NSA2: variants seen among roughly 807,000 people sequenced by gnomAD.
NSA2 encodes NSA2 ribosome biogenesis factor.
In NSA2, 18 loss-of-function variants were observed where a neutral mutation model predicts 34.8. That is an observed-to-expected ratio of 0.52 (90% CI 0.36 to 0.77). The LOEUF (loss-of-function observed/expected upper bound fraction) is 0.77. Among genes scored for constraint, NSA2 ranks in the 30% least tolerant of loss-of-function variants. NSA2 has a pLI of 0.00. For missense variants in NSA2, 188 were observed against 314.7 expected, an observed-to-expected ratio of 0.60 and a Z score of 3.05; for synonymous variants, 79 against 100.2, an observed-to-expected ratio of 0.79 and a Z score of 1.26.
At chr5:74,769,450 C>G (rs1744847545) in intron 3 of NSA2, 86 bp downstream of exon 3, 6 of 1,145,824 alleles carry the variant, frequency 5.2e-6, no homozygotes, top group Admixed American at 2.6e-5. Context: ...GGTTTAATTT[C>G]AAACATGAAG....
intron 5 of NSA2, among the ~76,000 whole-genome samples, chr5:74,774,656 G>A (rs879610256): frequency 2.0e-5 from 3 of 152,110 alleles, no homozygotes; most frequent in Non-Finnish European, 4.4e-5. Flanking sequence ...GGAAGCAGAT[G>A]CAAAGTTATA....
In NSA2 at chr5:74,769,128, C is replaced by G; in HGVS notation, c.191+10C>G. On this transcript the variant is annotated intron_variant, in intron 2 of 5. Transcript: ENST00000610426. ...TACAAATGAAAAAGACGTAAGTGGTCTCATTTATTTGTCATAACAAGTTAA... is the reference window on the plus strand; with the variant it reads ...TACAAATGAAAAAGACGTAAGTGGTGTCATTTATTTGTCATAACAAGTTAA... The G allele has an allele frequency of 6.2e-7, 1 of 1,600,236 alleles. No homozygotes were observed. The highest frequency in any genetic ancestry group is 8.5e-7 in the Non-Finnish European group (1 of 1,175,604).
At chr5:74,770,118 G>C (rs1286521062) in intron 3 of NSA2, among the ~76,000 whole-genome samples, 2 of 152,116 alleles carry the variant, frequency 1.3e-5, no homozygotes, top group African/African-American at 2.4e-5. Flanking sequence ...ATCACCTGAG[G>C]TCAGGAGTTC....
intron 3 of NSA2, among the ~76,000 whole-genome samples, chr5:74,770,050 G>A (rs760339810): frequency 1.3e-5 from 2 of 152,112 alleles, no homozygotes; most frequent in Non-Finnish European, 2.9e-5. Context: ...GTCACTATCG[G>A]CTGGGCACCG....
Position 74,778,880 on chromosome 5 carries a change from TAA to T in NSA2, c.*2210_*2211del, listed in dbSNP as rs1472314571. On this transcript the variant is annotated 3_prime_UTR_variant, in exon 6 of 6. Coordinates refer to ENST00000610426, the MANE Select transcript of NSA2 (RefSeq NM_014886.6). ...TTGAAATCACATTTTCAGTCCTCTG[TAA>T]TTGTGAAATTTTTTCTAATGCCTTG... 6.6e-6 allele frequency: 1 copy of T among 152,130 alleles called. No homozygotes were observed. Among genetic ancestry groups the T allele is most frequent in the Non-Finnish European group, 1.5e-5 (1 of 67,924 alleles). 9.4% of individuals were successfully genotyped at this position (152,130 alleles called of 1,614,324 possible).
chr5:74,770,847 G>C (rs906989205), intron 4 of NSA2, 37 bp downstream of exon 4: 2 of 1,393,824 alleles, frequency 1.4e-6, no homozygotes, highest in East Asian at 5.0e-5. Context: ...CGAAATGTTA[G>C]TTGACTTTAT....
At chr5:74,775,138 C>G (rs1216742312) in intron 5 of NSA2, among the ~76,000 whole-genome samples, 1 of 152,104 alleles carries the variant, frequency 6.6e-6, no homozygotes, top group Admixed American at 6.6e-5. Context: ...ATCGCTTGAA[C>G]CTGGGAGGTG....
intron 5 of NSA2, among the ~76,000 whole-genome samples, chr5:74,776,281 T>C (rs1394654807): frequency 6.6e-6 from 1 of 152,100 alleles, no homozygotes; most frequent in African/African-American, 2.4e-5. Flanking sequence ...AGGCGGATCA[T>C]TTGAGCTCAG....
rs1745181279 is a variant in NSA2 at position 74,777,555 on chromosome 5, T to C, written c.*884T>C. The C allele has an allele frequency of 6.6e-6, 1 of 152,016 alleles. No homozygotes were observed. The highest frequency in any genetic ancestry group is 6.6e-5 in the Admixed American group (1 of 15,266). 9.4% of individuals were successfully genotyped at this position (152,016 alleles called of 1,614,324 possible). A position where few individuals can be genotyped will look rare whatever the true frequency, so the allele number is the denominator to read the frequency against. On this transcript the variant is annotated 3_prime_UTR_variant, in exon 6 of 6. Coordinates refer to ENST00000610426, the MANE Select transcript of NSA2 (RefSeq NM_014886.6). Reference sequence around the variant, plus strand: ...GGTTTTAAGGATGGCGTATATTACATTAATCTATAATCACCACATTGTTTT... The same window carrying C: ...GGTTTTAAGGATGGCGTATATTACACTAATCTATAATCACCACATTGTTTT...
At chr5:74,776,307 C>G (rs1745118150) in intron 5 of NSA2, among the ~76,000 whole-genome samples, 1 of 152,146 alleles carries the variant, frequency 6.6e-6, no homozygotes, top group Non-Finnish European at 1.5e-5. Context: ...CGAGCCCAGC[C>G]TGGGCAACAT....
chr5:74,770,000 T>C (rs1013617356), intron 3 of NSA2, among the ~76,000 whole-genome samples: 9 of 152,192 alleles, frequency 5.9e-5, no homozygotes, highest in Non-Finnish European at 2.9e-5. Flanking sequence ...TCCAGTATTA[T>C]GCTATTAAAC....
At position 74,773,867 on chromosome 5, in the gene NSA2, G is replaced by A. The variant is rs1313764113; in HGVS notation, c.523-1G>A. The A allele has an allele frequency of 6.2e-7, 1 of 1,610,404 alleles. No individual in the cohort carries two copies. Among genetic ancestry groups the A allele is most frequent in the Non-Finnish European group, 8.5e-7 (1 of 1,178,166 alleles). On this transcript the variant is annotated splice_acceptor_variant, in intron 4 of 5. Coordinates refer to ENST00000610426, the MANE Select transcript of NSA2 (RefSeq NM_014886.6). LOFTEE classifies it high-confidence loss of function. ...TTCTTATGTTGTGTTTGACTTACTA[G>A]GGCTTGCGTTTCAAGAAAGCCCATG...
chr5:74,773,510 C>T (rs191351700), intron 4 of NSA2, among the ~76,000 whole-genome samples: 1,749 of 150,188 alleles, frequency 0.012, 25 homozygotes, highest in African/African-American at 0.04. Flanking sequence ...CATGGTGGTG[C>T]GTGCCTGTAG....
At chr5:74,775,842 G>A (rs976232202) in intron 5 of NSA2, among the ~76,000 whole-genome samples, 4 of 151,720 alleles carry the variant, frequency 2.6e-5, no homozygotes, top group East Asian at 1.9e-4. Context: ...TCTACCTTTA[G>A]TACCCAGATC....
rs149844663 is a variant in NSA2, at chr5:74,770,729, G to A, written c.441G>A (p.Lys147=). The change falls in exon 4 of 6, where the codon AAG becomes AAA. Residue 147 remains lysine, a synonymous_variant. Coordinates refer to ENST00000610426, the MANE Select transcript of NSA2 (RefSeq NM_014886.6). ...GAAAGAGAAAGAAGAAGGCATGGAA[G>A]AGAATGGTTACTAAAGTGTGCTTTG... ...RTGKRKKKAW[K]RMVTKVCFVG... 738 of 1,613,650 alleles carry A rather than the reference G, an allele frequency of 4.6e-4. No individual in the cohort carries two copies. Among genetic ancestry groups the A allele is most frequent in the Non-Finnish European group, 5.8e-4 (684 of 1,179,760 alleles).
intron 5 of NSA2, 65 bp from the exon 6 acceptor site, chr5:74,776,539 T>C (rs1745131241): frequency 1.2e-6 from 1 of 855,510 alleles, no homozygotes; most frequent in Non-Finnish European, 2.0e-6. Flanking sequence ...AGTTATATTC[T>C]TTAAAATTAA....
intron 5 of NSA2, among the ~76,000 whole-genome samples, chr5:74,775,514 G>A (rs1745081448): frequency 6.6e-6 from 1 of 151,968 alleles, no homozygotes; most frequent in Admixed American, 6.6e-5. Flanking sequence ...CTACTCGGGA[G>A]GCTGAGGCAG....
intron 4 of NSA2, chr5:74,771,334 T>G (rs1744920361): frequency 6.6e-6 from 1 of 152,086 alleles, no homozygotes; most frequent in South Asian, 2.1e-4. Context: ...AGTAGTATCA[T>G]AAGACATTGT....
rs138094632 is a variant in NSA2 at position 74,779,343 on chromosome 5, A to G, written c.*2672A>G. 3 of 152,298 alleles carry G rather than the reference A, an allele frequency of 2.0e-5. No homozygotes were observed. Among genetic ancestry groups the G allele is most frequent in the African/African-American group, 7.2e-5 (3 of 41,586 alleles). 9.4% of individuals were successfully genotyped at this position (152,298 alleles called of 1,614,324 possible). On this transcript the variant is annotated 3_prime_UTR_variant, in exon 6 of 6. Coordinates refer to ENST00000610426, the MANE Select transcript of NSA2 (RefSeq NM_014886.6). ...TCGGCAGCACATATACTAAAATTAG[A>G]ACAATACAGGGAAAATTAGCATGGC...
Sources: allele counts gnomAD v4.1 joint callset (sites outside exome capture counted in the v4.1 genomes callset), GRCh38; gene constraint gnomAD v4.1.1; transcripts MANE v1.5; gene names NCBI Gene and HGNC (gene_info 2026-07-23, HGNC 2026-07-21).